TIAM1: variants seen among roughly 807,000 people sequenced by gnomAD.
TIAM1 encodes TIAM Rac1 associated GEF 1, also known as rho guanine nucleotide exchange factor TIAM1.
Under a neutral mutation model 163.5 loss-of-function variants are expected in TIAM1, and 65 were observed. That is an observed-to-expected ratio of 0.40 (90% confidence interval 0.33 to 0.49). TIAM1 has a LOEUF of 0.49. TIAM1 is among the 20% of genes least tolerant of loss of function. The pLI is 0.77. For synonymous variants in TIAM1, 833 were observed against 810.1 expected (o/e 1.03, Z -0.48); for missense variants, 1,789 against 2,044.7 (o/e 0.87, Z 2.41).
At chr21:31,504,665 T>A (rs2046968915) in intron 1 of TIAM1, among the ~76,000 whole-genome samples, 1 of 152,190 alleles carries the variant, frequency 6.6e-6, no homozygotes, top group Non-Finnish European at 1.5e-5. Flanking sequence ...CACCAGGGGC[T>A]GATGACTTCT....
intron 11 of TIAM1, among the ~76,000 whole-genome samples, chr21:31,209,742 G>A (rs2086631297): frequency 6.6e-6 from 1 of 152,182 alleles, no homozygotes; most frequent in Non-Finnish European, 1.5e-5. Flanking sequence ...TTTCTGTTGT[G>A]TTCTTCACCT....
At chr21:31,467,359 G>A (rs946523461) in intron 1 of TIAM1, among the ~76,000 whole-genome samples, 4 of 152,064 alleles carry the variant, frequency 2.6e-5, no homozygotes, top group African/African-American at 7.2e-5. Flanking sequence ...AAGGCCGGGC[G>A]CAGTGGCTCA....
chr21:31,487,431 T>C (rs1241793995), intron 1 of TIAM1, among the ~76,000 whole-genome samples: 1 of 151,990 alleles, frequency 6.6e-6, no homozygotes, highest in Non-Finnish European at 1.5e-5. Context: ...AGTGCAGTGG[T>C]GCGATCTCGG....
At chr21:31,468,829 A>G (rs1257623182) in intron 1 of TIAM1, among the ~76,000 whole-genome samples, 1 of 152,106 alleles carries the variant, frequency 6.6e-6, no homozygotes, top group Non-Finnish European at 1.5e-5. Flanking sequence ...ATTGCCCTTC[A>G]GATGACTTTT....
chr21:31,150,765 G>A (rs2083335998), intron 19 of TIAM1, among the ~76,000 whole-genome samples: 1 of 152,140 alleles, frequency 6.6e-6, no homozygotes, highest in African/African-American at 2.4e-5. Flanking sequence ...CTTCTGCTCT[G>A]TGAAGGGCAC....
chr21:31,463,515 C>T (rs548044102), intron 2 of TIAM1, among the ~76,000 whole-genome samples: 100 of 152,114 alleles, frequency 6.6e-4, no homozygotes, highest in Non-Finnish European at 1.1e-3. Context: ...AGAATATTGT[C>T]ATGTTAAAAA....
chr21:31,252,180 C>CATT lies in TIAM1; in HGVS notation c.970_972dup (p.Asn324dup), dbSNP rs758058196. 9 of 1,603,782 alleles carry CATT rather than the reference C, an allele frequency of 5.6e-6. No individual in the cohort carries two copies. Among genetic ancestry groups the CATT allele is most frequent in the Middle Eastern group, 1.7e-4 (1 of 6,056 alleles). ...TCTGCAAACTCACTGCCCTCGCCTG[C>CATT]ATTAACATCCTTGGGAGCAGAAAGA... On this transcript the variant is annotated inframe_insertion, in exon 5 of 28. Coordinates refer to ENST00000541036, the MANE Select transcript of TIAM1 (RefSeq NM_001353694.2).
At chr21:31,367,396 C>T (rs1384118203) in intron 2 of TIAM1, among the ~76,000 whole-genome samples, 1 of 152,164 alleles carries the variant, frequency 6.6e-6, no homozygotes, top group Non-Finnish European at 1.5e-5. Context: ...TAGAAGTACC[C>T]AGACCAACAG....
chr21:31,457,248 G>A (rs2045139919), intron 2 of TIAM1, among the ~76,000 whole-genome samples: 1 of 152,138 alleles, frequency 6.6e-6, no homozygotes, highest in Non-Finnish European at 1.5e-5. Context: ...AAACAAAAGT[G>A]CAAGTAAATT....
At chr21:31,149,704 C>T (rs1298947045) in intron 19 of TIAM1, among the ~76,000 whole-genome samples, 1 of 152,218 alleles carries the variant, frequency 6.6e-6, no homozygotes, top group Non-Finnish European at 1.5e-5. Context: ...TTAACCAACC[C>T]TGGCCTCCAG....
intron 2 of TIAM1, among the ~76,000 whole-genome samples, chr21:31,370,464 GTA>G (rs2076577376): frequency 6.6e-6 from 1 of 152,108 alleles, no homozygotes; most frequent in Non-Finnish European, 1.5e-5. Flanking sequence ...CCCAGTATGG[GTA>G]TGTGGGTGTG....
rs114288611 is a variant in TIAM1 at position 31,242,349 on chromosome 21, C to T, written c.1584+3139G>A. 7.5e-3 allele frequency among the ~76,000 whole-genome samples: 1,138 copies of T among 152,022 alleles called. 17 individuals are homozygous for T. The highest frequency in any genetic ancestry group is 0.026 in the African/African-American group (1,068 of 41,456). On this transcript the variant is annotated intron_variant, in intron 6 of 27. Coordinates refer to ENST00000541036, the MANE Select transcript of TIAM1 (RefSeq NM_001353694.2). Reference sequence around the variant, plus strand: ...ACCCTGGGCAATAAAGCAAGACCTCCATCTCTACAAAAAAATAGAAAAAAT... The same window carrying T: ...ACCCTGGGCAATAAAGCAAGACCTCTATCTCTACAAAAAAATAGAAAAAAT...
intron 2 of TIAM1, among the ~76,000 whole-genome samples, chr21:31,371,902 T>C (rs1285514294): frequency 1.3e-5 from 2 of 152,222 alleles, no homozygotes; most frequent in Non-Finnish European, 2.9e-5. Context: ...GGTCATGCAG[T>C]GGCCACCATA....
chr21:31,355,799 G>T (rs559506080), intron 2 of TIAM1, among the ~76,000 whole-genome samples: 1 of 146,994 alleles, frequency 6.8e-6, no homozygotes, highest in South Asian at 2.2e-4. Flanking sequence ...TGATCTGCCC[G>T]CCTCGGCTTC....
intron 15 of TIAM1, among the ~76,000 whole-genome samples, chr21:31,172,095 T>C (rs968809288): frequency 4.6e-5 from 7 of 151,914 alleles, no homozygotes; most frequent in Non-Finnish European, 7.4e-5. Context: ...AGATAACCAA[T>C]AAGTGGTGAG....
At position 31,155,185 on chromosome 21, in the gene TIAM1, G is replaced by A. The variant is rs374140211; in HGVS notation, c.2992-759C>T. Among the ~76,000 whole-genome samples the A allele has an allele frequency of 5.2e-4, 79 of 152,300 alleles. No individual in the cohort carries two copies. In the South Asian group the frequency reaches 0.015, roughly 28 times the overall value. On this transcript the variant is annotated intron_variant, in intron 16 of 27. Coordinates refer to ENST00000541036, the MANE Select transcript of TIAM1 (RefSeq NM_001353694.2). ...ACACGTTTTGTCATCCATTTGAAACGTAGGATTCCAGGATTCTAAAATTCC... is the reference window on the plus strand; with the variant it reads ...ACACGTTTTGTCATCCATTTGAAACATAGGATTCCAGGATTCTAAAATTCC...
intron 10 of TIAM1, chr21:31,212,815 A>C (rs2086956105): frequency 6.7e-6 from 1 of 149,374 alleles, no homozygotes; most frequent in South Asian, 2.1e-4. Context: ...TCATCGTGTT[A>C]GCCAGCATGG....
intron 2 of TIAM1, among the ~76,000 whole-genome samples, chr21:31,438,988 G>A (rs949712919): frequency 6.6e-6 from 1 of 152,190 alleles, no homozygotes; most frequent in African/African-American, 2.4e-5. Context: ...GCAAGAAAGA[G>A]ATCCACTAGA....
At chr21:31,211,757 T>C (rs1245063831) in intron 10 of TIAM1, among the ~76,000 whole-genome samples, 1 of 152,210 alleles carries the variant, frequency 6.6e-6, no homozygotes, top group Non-Finnish European at 1.5e-5. Flanking sequence ...CAGACTCTGT[T>C]CCAGTGTGCC....
Sources: allele counts gnomAD v4.1 joint callset (sites outside exome capture counted in the v4.1 genomes callset), GRCh38; gene constraint gnomAD v4.1.1; transcripts MANE v1.5; gene names NCBI Gene and HGNC (gene_info 2026-07-23, HGNC 2026-07-21).